Variants in VTI1A observed in about 807,000 individuals in gnomAD.
The protein encoded by VTI1A is vesicle transport through interaction with t-SNAREs homolog 1A.
Under a neutral mutation model 34.9 loss-of-function variants are expected in VTI1A, and 22 were observed. The observed-to-expected ratio is 0.63, with a 90% confidence interval of 0.45 to 0.90. The LOEUF is 0.90. Ranked by LOEUF, VTI1A falls within the 40% of genes least tolerant of loss-of-function variation. The pLI is 0.00. For synonymous variants in VTI1A, 87 were observed against 97.3 expected (o/e 0.89, Z 0.62); for missense variants, 268 against 275.6 (o/e 0.97, Z 0.20).
At chr10:112,853,062 G>T in the VTI1A span, among the ~76,000 whole-genome samples, 1 of 152,146 alleles carries the variant, frequency 6.6e-6, no homozygotes, top group Non-Finnish European at 1.5e-5. Context: ...GGGATTACAG[G>T]CATGAGCCAC....
chr10:112,847,097 C>T, the VTI1A span, among the ~76,000 whole-genome samples: 2 of 152,316 alleles, frequency 1.3e-5, no homozygotes, highest in South Asian at 2.1e-4. Flanking sequence ...GAAGGGTTGG[C>T]TCCTGCTGTC....
rs201156341 is a variant in VTI1A at position 112,624,546 on chromosome 10, G to GT, written c.428-43664dup. Among the ~76,000 whole-genome samples, 193 of 151,384 alleles carry GT rather than the reference G, an allele frequency of 1.3e-3. 1 individual carries two copies. Among genetic ancestry groups the GT allele is most frequent in the Admixed American group, 0.01 (158 of 15,188 alleles). On this transcript the variant is annotated intron_variant, in intron 5 of 7. Coordinates refer to ENST00000393077, the MANE Select transcript of VTI1A (RefSeq NM_145206.4). ...TTTTAATATACATTTTCATTTTTAT[G>GT]TTTTTTTTAAAAAAAGTTCTTATTA...
intron 7 of VTI1A, among the ~76,000 whole-genome samples, chr10:112,720,922 GA>G (rs1849781587): frequency 6.6e-6 from 1 of 151,782 alleles, no homozygotes; most frequent in East Asian, 1.9e-4. Flanking sequence ...ATTTTAGAGA[GA>G]ATATAGCACT....
intron 5 of VTI1A, among the ~76,000 whole-genome samples, chr10:112,594,517 A>T (rs1316112419): frequency 6.6e-6 from 1 of 152,184 alleles, no homozygotes; most frequent in East Asian, 1.9e-4. Context: ...ATACACCAAT[A>T]ACAGACAAAC....
intron 7 of VTI1A, among the ~76,000 whole-genome samples, chr10:112,706,319 C>A (rs991693760): frequency 6.6e-6 from 1 of 152,124 alleles, no homozygotes; most frequent in Non-Finnish European, 1.5e-5. Context: ...GGAGTGGACA[C>A]GTTTAATTAC....
intron 5 of VTI1A, among the ~76,000 whole-genome samples, chr10:112,629,693 T>G (rs1222495724): frequency 6.6e-6 from 1 of 152,252 alleles, no homozygotes; most frequent in Non-Finnish European, 1.5e-5. Context: ...TGCTCTCCAG[T>G]TCTCAAAAGT....
intron 1 of VTI1A, among the ~76,000 whole-genome samples, chr10:112,458,445 C>T (rs974249435): frequency 6.6e-6 from 1 of 152,042 alleles, no homozygotes; most frequent in Non-Finnish European, 1.5e-5. Context: ...GTAGATTTAA[C>T]TTTTCAAGGA....
In VTI1A at chr10:112,447,271, G is replaced by C; in HGVS notation, c.-103G>C. On this transcript the variant is annotated 5_prime_UTR_variant, in exon 1 of 8. Coordinates refer to ENST00000393077, the MANE Select transcript of VTI1A (RefSeq NM_145206.4). ...GTCCCCGGTTCTCCGTTCTGCTCTC[G>C]GGGGCACCTTCCGGGGTTCCTAAGC... The C allele has an allele frequency of 1.6e-6, 2 of 1,280,526 alleles. No individual in the cohort carries two copies. The highest frequency in any genetic ancestry group is 2.0e-5 in the Admixed American group (1 of 49,190). 79.3% of individuals were successfully genotyped at this position (1,280,526 alleles called of 1,614,324 possible).
intron 3 of VTI1A, among the ~76,000 whole-genome samples, chr10:112,499,038 C>T (rs1424535489): frequency 6.6e-6 from 1 of 152,090 alleles, no homozygotes; most frequent in Non-Finnish European, 1.5e-5. Flanking sequence ...AATAACCAGG[C>T]TTTGGGAAAA....
intron 7 of VTI1A, among the ~76,000 whole-genome samples, chr10:112,783,310 G>C (rs1245961150): frequency 6.6e-6 from 1 of 151,758 alleles, no homozygotes; most frequent in African/African-American, 2.4e-5. Flanking sequence ...TTAAATTCAG[G>C]TTGGAAATTG....
In VTI1A at chr10:112,817,758, T is replaced by G. The variant is rs541490002; in HGVS notation, c.*2375T>G. On this transcript the variant is annotated 3_prime_UTR_variant, in exon 8 of 8. Transcript: ENST00000393077. Reference sequence around the variant, plus strand: ...CACAGACTTGAAGCAGATAGTGAAGTAGATCTGTGAGAGGTTCTAGGTACT... The same window carrying G: ...CACAGACTTGAAGCAGATAGTGAAGGAGATCTGTGAGAGGTTCTAGGTACT... 2 of 230,612 alleles carry G rather than the reference T, an allele frequency of 8.7e-6. No homozygotes were observed. Among genetic ancestry groups the G allele is most frequent in the East Asian group, 1.2e-4 (2 of 16,258 alleles). The allele number at this position is 230,612 out of a possible 1,614,324, so 14.3% of individuals were successfully genotyped here. A position where few individuals can be genotyped will look rare whatever the true frequency, so the allele number is the denominator to read the frequency against.
At chr10:112,601,193 G>T (rs1338064904) in intron 5 of VTI1A, among the ~76,000 whole-genome samples, 1 of 152,084 alleles carries the variant, frequency 6.6e-6, no homozygotes, top group East Asian at 1.9e-4. Context: ...TGGGACTTAA[G>T]GGAAAAGCAT....
chr10:112,457,442 T>G (rs1481475537), intron 1 of VTI1A, among the ~76,000 whole-genome samples: 1 of 152,200 alleles, frequency 6.6e-6, no homozygotes, highest in Non-Finnish European at 1.5e-5. Context: ...GTTGTTCATG[T>G]GAGGGATAAA....
chr10:112,794,969 G>C (rs191732103), intron 7 of VTI1A, among the ~76,000 whole-genome samples: 3 of 152,172 alleles, frequency 2.0e-5, no homozygotes, highest in African/African-American at 4.8e-5. Context: ...CCTTTGAGGA[G>C]GACATTGCGT....
chr10:112,736,111 G>GTATATATATATATATATA lies in VTI1A; in HGVS notation c.560+67123_560+67140dup, dbSNP rs372188173. 9.0e-3 allele frequency among the ~76,000 whole-genome samples: 1,041 copies of GTATATATATATATATATA among 115,918 alleles called. 10 individuals carry two copies. The highest frequency in any genetic ancestry group is 0.019 in the African/African-American group (500 of 26,636). 76.0% of individuals were successfully genotyped at this position (115,918 alleles called of 152,430 possible). A position where few individuals can be genotyped will look rare whatever the true frequency, so the allele number is the denominator to read the frequency against. ...ATATTTTACATATATATGTGTGTGT[G>GTATATATATATATATATA]TATATATATATATATATATATATAT... is the stretch of plus-strand genomic sequence containing the variant. On this transcript the variant is annotated intron_variant, in intron 7 of 7. Coordinates refer to ENST00000393077, the MANE Select transcript of VTI1A (RefSeq NM_145206.4).
At chr10:112,639,159 CTTAA>C (rs1332194680) in intron 5 of VTI1A, among the ~76,000 whole-genome samples, 1 of 152,140 alleles carries the variant, frequency 6.6e-6, no homozygotes, top group African/African-American at 2.4e-5. Context: ...GTGAAAGTCT[CTTAA>C]TTAATCAACT....
intron 7 of VTI1A, among the ~76,000 whole-genome samples, chr10:112,728,670 T>C (rs562560934): frequency 1.3e-5 from 2 of 152,092 alleles, no homozygotes; most frequent in South Asian, 4.1e-4. Context: ...AGAAAAAAAA[T>C]AGAATCATAC....
At chr10:112,663,463 T>C (rs969356667) in intron 5 of VTI1A, among the ~76,000 whole-genome samples, 1 of 152,252 alleles carries the variant, frequency 6.6e-6, no homozygotes, top group Non-Finnish European at 1.5e-5. Flanking sequence ...AATGGTAATT[T>C]GCATCTTTCT....
At chr10:112,789,952 CTTT>C (rs71035402) in intron 7 of VTI1A, among the ~76,000 whole-genome samples, 3 of 141,162 alleles carry the variant, frequency 2.1e-5, no homozygotes. Flanking sequence ...TTTTTCTTTC[CTTT>C]TTTTTTTTTT....
Sources: allele counts gnomAD v4.1 joint callset (sites outside exome capture counted in the v4.1 genomes callset), GRCh38; gene constraint gnomAD v4.1.1; transcripts MANE v1.5; gene names NCBI Gene and HGNC (gene_info 2026-07-23, HGNC 2026-07-21).